PSG6: variants seen among roughly 807,000 people sequenced by gnomAD.
PSG6 encodes the protein pregnancy-specific beta-1-glycoprotein 6.
In PSG6, 51 loss-of-function variants were observed where a neutral mutation model predicts 43.3. That is an observed-to-expected ratio of 1.18 (90% confidence interval 0.94 to 1.49). The LOEUF is 1.49. PSG6 is among the 40% of genes most tolerant of loss of function. The pLI is 0.00. For missense variants in PSG6, 770 were observed against 522.2 expected (o/e 1.47, Z -4.62); for synonymous variants, 292 against 197.6 (o/e 1.48, Z -4.01).
chr19:42,916,625 C>T (rs1020479761), intron 1 of PSG6, 138 bp from the exon 2 acceptor site: 2 of 1,298,144 alleles, frequency 1.5e-6, no homozygotes, highest in East Asian at 2.3e-5. Flanking sequence ...CACACACACA[C>T]AAAAGGGCAT....
chr19:42,911,985 C>T (rs746611668), intron 2 of PSG6, among the ~76,000 whole-genome samples: 7 of 151,632 alleles, frequency 4.6e-5, no homozygotes, highest in South Asian at 2.1e-4. Flanking sequence ...TGTGCAGCCT[C>T]GTGCCTATAC....
At chr19:42,903,275 G>T (rs145000996) in intron 5 of PSG6, among the ~76,000 whole-genome samples, 7 of 151,652 alleles carry the variant, frequency 4.6e-5, no homozygotes, top group Non-Finnish European at 8.8e-5. Context: ...TTCAGGTGAG[G>T]AATCAGGGGT....
In PSG6 at chr19:42,906,873, A is replaced by G. The variant is rs546123608; in HGVS notation, c.1240+49T>C. 4.9e-5 allele frequency: 79 copies of G among 1,611,584 alleles called. 3 individuals are homozygous for G. Among genetic ancestry groups the G allele is most frequent in the Non-Finnish European group, 6.2e-5 (73 of 1,178,678 alleles). ...TTCCTGACTCTTCTCTGAAAGCCAG[A>G]TAGACTCCACCTAAAACCCTATTGC... On this transcript the variant is annotated intron_variant, in intron 5 of 5. Transcript: ENST00000187910.
At chr19:42,914,428 C>T (rs1286508834) in intron 2 of PSG6, among the ~76,000 whole-genome samples, 2 of 149,372 alleles carry the variant, frequency 1.3e-5, no homozygotes, top group Admixed American at 1.3e-4. Context: ...AGATGAGGGA[C>T]ACAGAGAAGC....
At chr19:42,916,654 A>ATG (rs930452816) in intron 1 of PSG6, among the ~76,000 whole-genome samples, 167 bp from the exon 2 acceptor site, 2 of 150,732 alleles carry the variant, frequency 1.3e-5, no homozygotes, top group Non-Finnish European at 3.0e-5. Flanking sequence ...GTGTGTGTGT[A>ATG]TGTGTGTGTG....
chr19:42,916,576 A>G (rs1600551973), intron 1 of PSG6, 89 bp from the exon 2 acceptor site: 1 of 1,493,750 alleles, frequency 6.7e-7, no homozygotes, highest in East Asian at 2.3e-5. Context: ...GGTCTCTTCA[A>G]TCATCAGCCT....
intron 5 of PSG6, chr19:42,906,641 T>A: frequency 7.2e-7 from 1 of 1,389,494 alleles, no homozygotes; most frequent in East Asian, 2.5e-5. Context: ...ACTCTCCTTC[T>A]TGTCCCTCTG....
At chr19:42,903,755 T>A in intron 5 of PSG6, 1 of 1,513,588 alleles carries the variant, frequency 6.6e-7, no homozygotes. Context: ...TAGCTGGGCA[T>A]GTTGACATGC....
In PSG6 at chr19:42,902,381, C is replaced by A. The variant is rs747677334; in HGVS notation, c.*31G>T. The A allele has an allele frequency of 1.9e-6, 3 of 1,607,596 alleles. No homozygotes were observed. Among genetic ancestry groups the A allele is most frequent in the Non-Finnish European group, 2.6e-6 (3 of 1,176,148 alleles). ...AATTTCATGAAGGTATCAACCTGTT[C>A]TTTTTCTCAGTGTCTCTATTGTGGC... On this transcript the variant is annotated 3_prime_UTR_variant, in exon 6 of 6. Coordinates refer to ENST00000187910, the MANE Select transcript of PSG6 (RefSeq NM_001031850.4).
At position 42,910,580 on chromosome 19, in the gene PSG6, G is replaced by A. The variant is rs778070572; in HGVS notation, c.706C>T (p.Pro236Ser). ...RSDPVTLNLL[P>S]KLPMPYITIN... ...TCACAGAGGAACAGAAGATACTCAC[G>A]GAGGAGATTCAGGGTGACTGGGTCA... The change falls in exon 3 of 6, where the codon CCG becomes TCG. Residue 236 changes from proline to serine, a missense_variant and splice_region_variant. By Grantham distance (74) the Pro-to-Ser change is moderately conservative. Transcript: ENST00000187910. 12 of 1,612,388 alleles carry A rather than the reference G, an allele frequency of 7.4e-6. No homozygotes were observed. The highest frequency in any genetic ancestry group is 2.2e-5 in the East Asian group (1 of 44,804).
intron 1 of PSG6, among the ~76,000 whole-genome samples, chr19:42,916,836 C>T (rs1162915314): frequency 1.3e-5 from 2 of 151,490 alleles, no homozygotes; most frequent in Non-Finnish European, 2.9e-5. Context: ...TTTCCTGATG[C>T]CTGCTTCAGA....
chr19:42,912,683 G>A (rs549292871), intron 2 of PSG6, among the ~76,000 whole-genome samples: 1 of 151,916 alleles, frequency 6.6e-6, no homozygotes, highest in African/African-American at 2.4e-5. Context: ...TATGTGAAAT[G>A]TCTTCTTCAT....
At chr19:42,917,465 G>A (rs1419621845) in intron 1 of PSG6, among the ~76,000 whole-genome samples, 1 of 146,706 alleles carries the variant, frequency 6.8e-6, no homozygotes, top group Non-Finnish European at 1.5e-5. Flanking sequence ...CTGGGTTCAT[G>A]TGATTATCCT....
chr19:42,915,461 A>C (rs1258873153), intron 2 of PSG6: 6 of 152,056 alleles, frequency 3.9e-5, no homozygotes, highest in Admixed American at 2.0e-4. Context: ...CTTTCTATGG[A>C]GTGTCCTAGG....
At chr19:42,905,748 G>T (rs1362517878) in intron 5 of PSG6, among the ~76,000 whole-genome samples, 8 of 151,686 alleles carry the variant, frequency 5.3e-5, no homozygotes, top group South Asian at 2.1e-4. Context: ...TAACAAGGAA[G>T]AAAATTACAA....
At chr19:42,913,013 T>G (rs1468665275) in intron 2 of PSG6, among the ~76,000 whole-genome samples, 2 of 151,658 alleles carry the variant, frequency 1.3e-5, no homozygotes, top group African/African-American at 4.8e-5. Context: ...GTTGAATATG[T>G]TGTTCCGCTT....
At chr19:42,905,821 A>G (rs1386230099) in intron 5 of PSG6, among the ~76,000 whole-genome samples, 1 of 151,744 alleles carries the variant, frequency 6.6e-6, no homozygotes, top group Non-Finnish European at 1.5e-5. Context: ...CCAGACACAA[A>G]AGGATAATTA....
In PSG6 at chr19:42,914,661, G is replaced by A. The variant is rs977672172; in HGVS notation, c.427+1464C>T. On this transcript the variant is annotated intron_variant, in intron 2 of 5. Transcript: ENST00000187910. ...TCAGCCTCTGAAGGACAAGGGACAG[G>A]TGTGGCTAGAACCTCCTAGGATTCT... Among the ~76,000 whole-genome samples, 8 of 151,588 alleles carry A rather than the reference G, an allele frequency of 5.3e-5. No homozygotes were observed. The East Asian group carries it at 1.6e-3, about 29-fold the overall frequency.
At chr19:42,912,886 C>G (rs752612719) in intron 2 of PSG6, among the ~76,000 whole-genome samples, 1 of 151,632 alleles carries the variant, frequency 6.6e-6, no homozygotes, top group Non-Finnish European at 1.5e-5. Flanking sequence ...CTGGCCACCT[C>G]CATCTGGTCC....
Sources: allele counts gnomAD v4.1 joint callset (sites outside exome capture counted in the v4.1 genomes callset), GRCh38; gene constraint gnomAD v4.1.1; transcripts MANE v1.5; gene names NCBI Gene and HGNC (gene_info 2026-07-23, HGNC 2026-07-21).